Variants in NRXN1 observed in about 807,000 individuals in gnomAD.
NRXN1 encodes the protein neurexin-1.
In NRXN1, 39 loss-of-function variants were observed where a neutral mutation model predicts 150.9. The observed-to-expected ratio is 0.26, with a 90% CI of 0.20 to 0.34. The LOEUF (loss-of-function observed/expected upper bound fraction) is 0.34. NRXN1 is among the 10% of genes least tolerant of loss of function. The pLI, the probability that NRXN1 is intolerant of heterozygous loss-of-function variation, is 1.00. For missense variants in NRXN1, 1,815 were observed against 1,949.9 expected, an observed-to-expected ratio of 0.93 and a Z score of 1.30; for synonymous variants, 924 against 757.0, an observed-to-expected ratio of 1.22 and a Z score of -3.62.
At chr2:50,605,773 C>A (rs1173217428) in intron 8 of NRXN1, among the ~76,000 whole-genome samples, 1 of 151,062 alleles carries the variant, frequency 6.6e-6, no homozygotes, top group African/African-American at 2.4e-5. Context: ...TTATATCATG[C>A]AGCAATCCCA....
intron 19 of NRXN1, among the ~76,000 whole-genome samples, chr2:50,090,877 A>C (rs1199631574): frequency 6.6e-6 from 1 of 152,086 alleles, no homozygotes; most frequent in African/African-American, 2.4e-5. Context: ...CCTACACTTT[A>C]ATGTGTTTCA....
rs143529042 is a variant in NRXN1, at chr2:50,719,653, G to A, written c.833-96038C>T. Reference sequence around the variant, plus strand: ...ATCACACCATTGCACTCCAGCCCAGGCGACAGTGCAAGACTCTGTCTAAAA... The same window carrying A: ...ATCACACCATTGCACTCCAGCCCAGACGACAGTGCAAGACTCTGTCTAAAA... On this transcript the variant is annotated intron_variant, in intron 5 of 22. Coordinates refer to ENST00000401669, the MANE Select transcript of NRXN1 (RefSeq NM_001330078.2). Among the ~76,000 whole-genome samples, 54 of 152,134 alleles carry A rather than the reference G, an allele frequency of 3.5e-4. 1 individual carries two copies. In the East Asian group the frequency reaches 9.7e-3, roughly 27 times the overall value.
chr2:50,770,981 T>G (rs1460988389), intron 5 of NRXN1, among the ~76,000 whole-genome samples: 2 of 152,100 alleles, frequency 1.3e-5, no homozygotes, highest in African/African-American at 4.8e-5. Context: ...TTAATTACGT[T>G]TGAACCCTCA....
intron 12 of NRXN1, among the ~76,000 whole-genome samples, chr2:50,523,393 G>A (rs931485823): frequency 3.9e-5 from 6 of 151,924 alleles, no homozygotes; most frequent in African/African-American, 9.7e-5. Context: ...AGGCAGAGGC[G>A]AAAGACTCCC....
intron 18 of NRXN1, among the ~76,000 whole-genome samples, chr2:50,156,392 T>C (rs1004612767): frequency 3.3e-5 from 5 of 151,900 alleles, no homozygotes; most frequent in African/African-American, 1.2e-4. Context: ...TTTTACCATT[T>C]AGTGGTTAAA....
chr2:49,954,722 A>G (rs903391396), intron 21 of NRXN1, among the ~76,000 whole-genome samples: 3 of 152,192 alleles, frequency 2.0e-5, no homozygotes, highest in Non-Finnish European at 4.4e-5. Context: ...TAATATGCTT[A>G]TCAACTCCTG....
At chr2:50,741,460 C>T (rs1699417666) in intron 5 of NRXN1, among the ~76,000 whole-genome samples, 1 of 152,138 alleles carries the variant, frequency 6.6e-6, no homozygotes, top group African/African-American at 2.4e-5. Flanking sequence ...TCATTTATAT[C>T]AGAAGTTGAG....
At position 50,329,210 on chromosome 2, in the gene NRXN1, A is replaced by G. The variant is rs2076583250; in HGVS notation, c.3365-92240T>C. ...ACAACATCAATAAAGAATTCTTGCA[A>G]ATCAATGTGAATAAAAGGAACACAT... On this transcript the variant is annotated intron_variant, in intron 17 of 22. Coordinates refer to ENST00000401669, the MANE Select transcript of NRXN1 (RefSeq NM_001330078.2). Among the ~76,000 whole-genome samples, 4 of 152,310 alleles carry G rather than the reference A, an allele frequency of 2.6e-5. No individual in the cohort carries two copies. In the South Asian group the frequency reaches 8.3e-4, roughly 32 times the overall value.
chr2:50,104,150 A>C (rs1701335383), intron 18 of NRXN1, among the ~76,000 whole-genome samples: 1 of 152,048 alleles, frequency 6.6e-6, no homozygotes, highest in African/African-American at 2.4e-5. Context: ...GTGGTCATCT[A>C]CTGGAGTACA....
In NRXN1 at chr2:50,816,087, G is replaced by C. The variant is rs145322763; in HGVS notation, c.832+105782C>G. ...AATATCAATATTATTCTTTTTAATT[G>C]CATTAGCTTAAAATATTGTATCTTT... is the stretch of plus-strand genomic sequence containing the variant. On this transcript the variant is annotated intron_variant, in intron 5 of 22. Coordinates refer to ENST00000401669, the MANE Select transcript of NRXN1 (RefSeq NM_001330078.2). 1.1e-4 allele frequency among the ~76,000 whole-genome samples: 16 copies of C among 152,166 alleles called. No individual in the cohort carries two copies. In the East Asian group the frequency reaches 2.7e-3, roughly 26 times the overall value.
At chr2:50,876,406 C>A (rs551206663) in intron 5 of NRXN1, among the ~76,000 whole-genome samples, 1 of 151,694 alleles carries the variant, frequency 6.6e-6, no homozygotes, top group Non-Finnish European at 1.5e-5. Context: ...CAATTATTTA[C>A]AACTAAAATG....
chr2:50,937,125 G>C (rs1452328782), intron 2 of NRXN1, among the ~76,000 whole-genome samples: 1 of 152,010 alleles, frequency 6.6e-6, no homozygotes, highest in Non-Finnish European at 1.5e-5. Flanking sequence ...CACAGAGCCT[G>C]GCACACAGCA....
chr2:50,381,467 C>CT (rs2080955166), intron 17 of NRXN1, among the ~76,000 whole-genome samples: 1 of 149,758 alleles, frequency 6.7e-6, no homozygotes, highest in Non-Finnish European at 1.5e-5. Context: ...TGCGAATAAA[C>CT]TGACAAGTAG....
Position 51,017,503 on chromosome 2 carries a change from C to CTTTTTTTTTTTTTTTT in NRXN1, c.772+9983_772+9998dup. Among the ~76,000 whole-genome samples, 2 of 44,302 alleles carry CTTTTTTTTTTTTTTTT rather than the reference C, an allele frequency of 4.5e-5. 1 individual carries two copies. The highest frequency in any genetic ancestry group is 2.3e-4 in the African/African-American group (2 of 8,856). 29.1% of individuals were successfully genotyped at this position (44,302 alleles called of 152,430 possible). On this transcript the variant is annotated intron_variant, in intron 2 of 22. Coordinates refer to ENST00000401669, the MANE Select transcript of NRXN1 (RefSeq NM_001330078.2). Reference sequence around the variant, plus strand: ...ATACACGTATGGCCACCACATCTGGCTTTTTTTTTTTTTTTTTTTTTTTTT... The same window carrying CTTTTTTTTTTTTTTTT: ...ATACACGTATGGCCACCACATCTGGCTTTTTTTTTTTTTTTTTTTTTTTTTTTTTTTTTTTTTTTTT...
intron 5 of NRXN1, among the ~76,000 whole-genome samples, chr2:50,712,182 T>C (rs1046851963): frequency 5.3e-5 from 8 of 152,160 alleles, no homozygotes; most frequent in Non-Finnish European, 1.0e-4. Flanking sequence ...GATTACATTT[T>C]ACAGATTCAG....
chr2:50,902,661 T>C (rs537339086), intron 5 of NRXN1, among the ~76,000 whole-genome samples: 1 of 152,286 alleles, frequency 6.6e-6, no homozygotes, highest in East Asian at 1.9e-4. Flanking sequence ...AACCCATGCA[T>C]GGTGTAGTTT....
intron 10 of NRXN1, among the ~76,000 whole-genome samples, chr2:50,537,729 G>C (rs1225925662): frequency 6.6e-6 from 1 of 152,134 alleles, no homozygotes; most frequent in Admixed American, 6.5e-5. Context: ...TTAGATGATT[G>C]AAAGTCAGCT....
At position 50,528,920 on chromosome 2, in the gene NRXN1, C is replaced by A. The variant is rs191285757; in HGVS notation, c.2348-269G>T. 254 of 373,816 alleles carry A rather than the reference C, an allele frequency of 6.8e-4. 1 individual carries two copies. Among genetic ancestry groups the A allele is most frequent in the African/African-American group, 4.2e-3 (194 of 46,698 alleles). 23.2% of individuals were successfully genotyped at this position (373,816 alleles called of 1,614,324 possible). On this transcript the variant is annotated intron_variant, in intron 11 of 22. Coordinates refer to ENST00000401669, the MANE Select transcript of NRXN1 (RefSeq NM_001330078.2). The stretch of plus-strand genomic sequence containing the variant: ...AGTGAAGTAAAGAATTGTTAAATGT[C>A]AAAGATGTTTGGCTTAGACTGGCTG...
intron 21 of NRXN1, among the ~76,000 whole-genome samples, chr2:50,019,841 C>T (rs1307457950): frequency 6.8e-6 from 1 of 146,382 alleles, no homozygotes; most frequent in Admixed American, 6.8e-5. Flanking sequence ...CCAGCTACTC[C>T]GGAGGCTGAG....
Sources: allele counts gnomAD v4.1 joint callset (sites outside exome capture counted in the v4.1 genomes callset), GRCh38; gene constraint gnomAD v4.1.1; transcripts MANE v1.5; gene names NCBI Gene and HGNC (gene_info 2026-07-23, HGNC 2026-07-21).